MAGEC3: variants seen among roughly 807,000 people sequenced by gnomAD.
MAGEC3 encodes the protein melanoma-associated antigen C3.
In MAGEC3, 34 loss-of-function variants were observed where a neutral mutation model predicts 35.3. The observed-to-expected ratio is 0.96, with a 90% CI of 0.73 to 1.28. MAGEC3 has a LOEUF of 1.28. Among genes scored for constraint, MAGEC3 ranks in the 50% most tolerant of loss-of-function variants. MAGEC3 has a pLI of 0.00. For missense variants in MAGEC3, 561 were observed against 483.6 expected (o/e 1.16, Z -1.50); for synonymous variants, 202 against 185.6 (o/e 1.09, Z -0.72).
chrX:141,881,851 A>G, intron 4 of MAGEC3, 55 bp downstream of exon 4: 1 of 1,191,296 alleles, frequency 8.4e-7, no homozygotes, highest in Non-Finnish European at 1.1e-6. Flanking sequence ...GCTTGTCACT[A>G]AAGTTTGAGT....
At chrX:141,878,980 G>GGAT (rs1259214579) in intron 2 of MAGEC3, among the ~76,000 whole-genome samples, 195 bp from the exon 3 acceptor site, 1 of 112,386 alleles carries the variant, frequency 8.9e-6, no homozygotes, top group Non-Finnish European at 1.9e-5. Context: ...CACTGTGGGT[G>GGAT]GATGTGATTC....
intron 1 of MAGEC3, among the ~76,000 whole-genome samples, chrX:141,865,005 G>C (rs1016244062): frequency 2.7e-5 from 3 of 111,815 alleles, no homozygotes; most frequent in Admixed American, 1.9e-4. Context: ...TTTTTCAGGT[G>C]CTTATTTAAC....
At chrX:141,843,529 A>C (rs1324245658) in intron 1 of MAGEC3, among the ~76,000 whole-genome samples, 2 of 111,672 alleles carry the variant, frequency 1.8e-5, no homozygotes, top group Non-Finnish European at 3.8e-5. Context: ...TCTAAAGAAT[A>C]CGTGTGAGGG....
At chrX:141,848,721 C>T (rs1415176168) in intron 1 of MAGEC3, among the ~76,000 whole-genome samples, 1 of 110,966 alleles carries the variant, frequency 9.0e-6, no homozygotes, top group Non-Finnish European at 1.9e-5. Context: ...TTTATAGATT[C>T]AATGTTATCC....
intron 1 of MAGEC3, among the ~76,000 whole-genome samples, chrX:141,848,048 G>A (rs1278983378): frequency 1.8e-5 from 2 of 110,071 alleles, no homozygotes; most frequent in African/African-American, 3.3e-5. Flanking sequence ...GTATGCATGT[G>A]TGTATGTGTA....
intron 1 of MAGEC3, among the ~76,000 whole-genome samples, chrX:141,851,636 C>G (rs2017751404): frequency 9.0e-6 from 1 of 110,723 alleles, no homozygotes; most frequent in Admixed American, 9.7e-5. Context: ...CTGTTAGCAA[C>G]CACTCTGCAT....
At chrX:141,886,732 C>A (rs993376097) in intron 4 of MAGEC3, among the ~76,000 whole-genome samples, 3 of 111,221 alleles carry the variant, frequency 2.7e-5, no homozygotes, top group African/African-American at 9.8e-5. Flanking sequence ...GCAGAACCCC[C>A]ACATTGGCTC....
At chrX:141,859,915 C>T (rs1248956285) in intron 1 of MAGEC3, among the ~76,000 whole-genome samples, 1 of 112,056 alleles carries the variant, frequency 8.9e-6, no homozygotes, top group Non-Finnish European at 1.9e-5. Context: ...CTATTCTAGC[C>T]AAACATGAAA....
chrX:141,897,073 ACAGCTACTTGG>A lies in MAGEC3; in HGVS notation c.1318_1328del (p.Ala440CysfsTer6), dbSNP rs1484971896. The A allele has an allele frequency of 1.7e-5, 20 of 1,211,659 alleles. No homozygotes were observed. Among genetic ancestry groups the A allele is most frequent in the Non-Finnish European group, 2.2e-5 (20 of 895,486 alleles). On this transcript the variant is annotated frameshift_variant, in exon 7 of 8. Transcript: ENST00000298296. LOFTEE classifies it high-confidence loss of function. ...GGAGTCCAGCAGTGAAGAGGAGGATACAGCTACTTGGCATGCCTTGCCAGAAAGTGAATCCT... is the reference window on the plus strand; with the variant it reads ...GGAGTCCAGCAGTGAAGAGGAGGATACATGCCTTGCCAGAAAGTGAATCCT...
intron 4 of MAGEC3, among the ~76,000 whole-genome samples, chrX:141,893,080 G>T (rs2018054797): frequency 8.9e-6 from 1 of 111,785 alleles, no homozygotes; most frequent in Non-Finnish European, 1.9e-5. Context: ...TTTAAAATGA[G>T]CATATTAAAG....
In MAGEC3 at chrX:141,897,654, T is replaced by C; in HGVS notation, c.1754T>C (p.Val585Ala). ...IGPIQRPAREVLEFLSKLSSI... is the reference protein window; with the variant it reads ...IGPIQRPAREALEFLSKLSSI... ...CCCATTCAGAGGCCAGCAAGAGAAGTCTTAGAGTTTTTATCCAAGCTATCC... is the reference window on the plus strand; with the variant it reads ...CCCATTCAGAGGCCAGCAAGAGAAGCCTTAGAGTTTTTATCCAAGCTATCC... Residue 585 changes from valine to alanine, a missense_variant, in exon 8 of 8, where the codon GTC becomes GCC. Val to Ala is a moderately conservative substitution (Grantham distance 64). Coordinates refer to ENST00000298296, the MANE Select transcript of MAGEC3 (RefSeq NM_138702.1). The C allele has an allele frequency of 8.3e-7, 1 of 1,209,979 alleles. No homozygotes were observed.
At chrX:141,857,220 T>A (rs1225878106) in intron 1 of MAGEC3, among the ~76,000 whole-genome samples, 1 of 110,877 alleles carries the variant, frequency 9.0e-6, no homozygotes, top group Non-Finnish European at 1.9e-5. Context: ...GAACTTGGCA[T>A]TGATAAGGAA....
At chrX:141,865,165 T>C (rs148116297) in intron 1 of MAGEC3, among the ~76,000 whole-genome samples, 2,329 of 111,497 alleles carry the variant, frequency 0.021, 16 homozygotes, top group Middle Eastern at 0.033. Context: ...TTCAACCTGT[T>C]GTTTGACTTT....
At chrX:141,874,078 C>A (rs2017905190) in intron 2 of MAGEC3, among the ~76,000 whole-genome samples, 1 of 111,572 alleles carries the variant, frequency 9.0e-6, no homozygotes, top group Admixed American at 9.5e-5. Flanking sequence ...TATAGTCAAC[C>A]AACTTTTGAC....
In MAGEC3 at chrX:141,881,413, A is replaced by G; in HGVS notation, c.526A>G (p.Ser176Gly). The change falls in exon 4 of 8, where the codon AGC becomes GGC. Residue 176 changes from serine to glycine, a missense_variant. By Grantham distance (56) the Ser-to-Gly change is moderately conservative (BLOSUM62 0). Transcript: ENST00000298296. The part of the protein sequence containing the change: ...WGEKAGSLPE[S>G]EPLFTYTLDE... ...AAGTACCTGGCACAGCTTGCCAGAG[A>G]GCGAGCCCTTGTTCACTTATACACT... is the stretch of plus-strand genomic sequence containing the variant. 8.3e-7 allele frequency: 1 copy of G among 1,199,493 alleles called. No individual in the cohort carries two copies. Among genetic ancestry groups the G allele is most frequent in the Non-Finnish European group, 1.1e-6 (1 of 890,074 alleles).
chrX:141,872,380 T>C (rs1207818999), intron 2 of MAGEC3, among the ~76,000 whole-genome samples: 1 of 111,169 alleles, frequency 9.0e-6, no homozygotes, highest in Non-Finnish European at 1.9e-5. Flanking sequence ...CCATGTGAGC[T>C]GGTGAGAGGA....
At chrX:141,890,063 T>A (rs2018030050) in intron 4 of MAGEC3, among the ~76,000 whole-genome samples, 1 of 112,070 alleles carries the variant, frequency 8.9e-6, no homozygotes, top group African/African-American at 3.2e-5. Flanking sequence ...CTTTATGTAA[T>A]AGCATTTGGA....
At chrX:141,883,569 GAGAT>G (rs1424460101) in intron 4 of MAGEC3, among the ~76,000 whole-genome samples, 1 of 112,107 alleles carries the variant, frequency 8.9e-6, no homozygotes, top group Non-Finnish European at 1.9e-5. Flanking sequence ...CTTAGGGTAA[GAGAT>G]AGAGTTTTTG....
At chrX:141,866,179 T>C (rs751560473) in intron 2 of MAGEC3, among the ~76,000 whole-genome samples, 1 of 112,185 alleles carries the variant, frequency 8.9e-6, no homozygotes, top group South Asian at 3.7e-4. Context: ...ATCATTTTCT[T>C]AAATGAATCA....
Sources: gnomAD v4.1 joint callset for allele counts (sites outside exome capture counted in the v4.1 genomes callset) on GRCh38, gnomAD v4.1.1 for gene constraint, MANE v1.5 for transcripts, NCBI Gene and HGNC (gene_info 2026-07-23, HGNC 2026-07-21) for gene names.